The following PACSIN3 variants were observed in gnomAD, a reference collection of about 807,000 sequenced individuals.
PACSIN3 encodes the protein protein kinase C and casein kinase substrate in neurons 3.
A neutral mutation model predicts 56.1 loss-of-function variants in PACSIN3; 34 were observed. That is an observed-to-expected ratio of 0.61 (90% CI 0.46 to 0.81). The LOEUF (loss-of-function observed/expected upper bound fraction) is 0.81. Ranked by LOEUF, PACSIN3 falls within the 30% of genes least tolerant of loss-of-function variation. PACSIN3 has a pLI of 0.00. For synonymous variants in PACSIN3, 218 were observed against 229.8 expected, an observed-to-expected ratio of 0.95 and a Z score of 0.46; for missense variants, 535 against 592.4, an observed-to-expected ratio of 0.90 and a Z score of 1.01.
In PACSIN3 at chr11:47,179,283, T is replaced by C. The variant is rs1952966714; in HGVS notation, c.780-4A>G. ...GTCACGGTGGAGTTCATGGAACCTA[T>C]GACCCAAGGCACACCCCTCAGTCTA... On this transcript the variant is annotated splice_polypyrimidine_tract_variant and splice_region_variant and intron_variant, in intron 7 of 10. Transcript: ENST00000298838. This position sits in a 1 kb window ranked among gnomAD's most constrained non-coding sequence, Gnocchi z 4.4. 1.2e-6 allele frequency: 2 copies of C among 1,613,956 alleles called. No homozygotes were observed. Among genetic ancestry groups the C allele is most frequent in the Non-Finnish European group, 1.7e-6 (2 of 1,180,026 alleles).
intron 4 of PACSIN3, among the ~76,000 whole-genome samples, chr11:47,181,911 G>A (rs1468429085): frequency 6.6e-6 from 1 of 152,042 alleles, no homozygotes; most frequent in African/African-American, 2.4e-5. Flanking sequence ...CCAGCACTTG[G>A]GGAGGCTGAG....
Position 47,179,001 on chromosome 11 carries a change from G to A in PACSIN3, c.930C>T (p.Ile310=). ...EEWSLDTQRT[I]SRKEKGGRSP... The stretch of plus-strand genomic sequence containing the variant: ...TCCGGCCACCCTTCTCTTTCCGGCT[G>A]ATTGTCCTCTGTGTGTCCAAGGACC... The change falls in exon 9 of 11, where the codon ATC becomes ATT. Residue 310 remains isoleucine (I), a synonymous_variant. Coordinates refer to ENST00000298838, the MANE Select transcript of PACSIN3 (RefSeq NM_016223.5). The surrounding 1 kb of genome is among the most constrained non-coding windows in gnomAD (Gnocchi z 4.4). The A allele has an allele frequency of 6.2e-7, 1 of 1,614,114 alleles. No homozygotes were observed. The highest frequency in any genetic ancestry group is 8.5e-7 in the Non-Finnish European group (1 of 1,180,014).
chr11:47,182,327 C>A (rs1213638303), intron 4 of PACSIN3, 76 bp downstream of exon 4: 1 of 1,450,064 alleles, frequency 6.9e-7, no homozygotes, highest in Non-Finnish European at 9.3e-7. Flanking sequence ...AAACTTCCCA[C>A]GAGACGTGCA....
intron 3 of PACSIN3, 43 bp downstream of exon 3, chr11:47,182,631 C>T: frequency 6.2e-7 from 1 of 1,604,588 alleles, no homozygotes; most frequent in South Asian, 1.1e-5. Flanking sequence ...CAGATGGGCT[C>T]CTCCCCTAGA....
rs151075097 is a variant in PACSIN3 at position 47,178,970 on chromosome 11, C to G, written c.961G>C (p.Asp321His). 69 of 1,614,112 alleles carry G rather than the reference C, an allele frequency of 4.3e-5. No individual in the cohort carries two copies. Among genetic ancestry groups the G allele is most frequent in the Non-Finnish European group, 5.8e-5 (69 of 1,180,018 alleles). The change falls in exon 9 of 11, where the codon GAT becomes CAT. Residue 321 changes from aspartate (D) to histidine (H), a missense_variant. Physicochemically the swap from Asp to His is moderately conservative, Grantham distance 81. Coordinates refer to ENST00000298838, the MANE Select transcript of PACSIN3 (RefSeq NM_016223.5). This position sits in a 1 kb window ranked among gnomAD's most constrained non-coding sequence, Gnocchi z 4.2. Reference protein sequence around the residue: ...SRKEKGGRSPDEVTLTSIVPT... With the variant: ...SRKEKGGRSPHEVTLTSIVPT... ...ACAATGCTGGTCAGGGTAACCTCAT[C>G]AGGGCTCCGGCCACCCTTCTCTTTC...
intron 1 of PACSIN3, among the ~76,000 whole-genome samples, chr11:47,184,977 G>A (rs547043312): frequency 1.4e-3 from 219 of 152,298 alleles, no homozygotes; most frequent in African/African-American, 4.9e-3. Flanking sequence ...AGCCCCGGGT[G>A]CAGCCAGGCC....
Position 47,179,312 on chromosome 11 carries a change from A to T in PACSIN3, c.780-33T>A. The T allele has an allele frequency of 3.7e-6, 6 of 1,613,966 alleles. No homozygotes were observed. Among genetic ancestry groups the T allele is most frequent in the Non-Finnish European group, 5.1e-6 (6 of 1,179,998 alleles). On this transcript the variant is annotated intron_variant, in intron 7 of 10. Transcript: ENST00000298838. This position sits in a 1 kb window ranked among gnomAD's most constrained non-coding sequence, Gnocchi z 4.4. ...CCAAGGCACACCCCTCAGTCTAGGA[A>T]GTCTAGACCCTGCATCCCTCAGTCC...
rs1364894574 is a variant in PACSIN3, at chr11:47,180,584, G to A, written c.318C>T (p.Asp106=). The change falls in exon 5 of 11, where the codon GAC becomes GAT. Residue 106 remains aspartate (D), a synonymous_variant. Coordinates refer to ENST00000298838, the MANE Select transcript of PACSIN3 (RefSeq NM_016223.5). ...GCTGCCAGGCGCGCACCCGCTCACT[G>A]TCCTGCCCTTGCAGCTTCTCCCGCA... The part of the protein sequence containing the change: ...LEVREKLQGQ[D]SERVRAWQRG... The A allele has an allele frequency of 6.2e-7, 1 of 1,604,776 alleles. No individual in the cohort carries two copies. Among genetic ancestry groups the A allele is most frequent in the East Asian group, 2.2e-5 (1 of 44,878 alleles).
chr11:47,182,697 C>T lies in PACSIN3; in HGVS notation c.31G>A (p.Ala11Thr). MAPEEDAGGE[A>T]LGGSFWEAGN... ...ACCTCCCAGAAACTGCCCCCTAAGG[C>T]CTCCCCTCCAGCGTCCTCTTCTGGA... is the stretch of plus-strand genomic sequence containing the variant. Residue 11 changes from alanine to threonine, a missense_variant, in exon 3 of 11, where the codon GCC (alanine) becomes ACC (threonine). Physicochemically the swap from Ala to Thr is moderately conservative, Grantham distance 58 (BLOSUM62 0). Coordinates refer to ENST00000298838, the MANE Select transcript of PACSIN3 (RefSeq NM_016223.5). The T allele has an allele frequency of 4.3e-6, 7 of 1,612,850 alleles. No individual in the cohort carries two copies. Among genetic ancestry groups the T allele is most frequent in the Non-Finnish European group, 5.9e-6 (7 of 1,179,382 alleles).
In PACSIN3 at chr11:47,182,738, C is replaced by T; in HGVS notation, c.-11G>A. ...CTCTTCTGGAGCCATGGTGTCCCCGCAGCACGGAATGGTGGCGGATTTGGG... is the reference window on the plus strand; with the variant it reads ...CTCTTCTGGAGCCATGGTGTCCCCGTAGCACGGAATGGTGGCGGATTTGGG... On this transcript the variant is annotated 5_prime_UTR_variant, in exon 3 of 11. Coordinates refer to ENST00000298838, the MANE Select transcript of PACSIN3 (RefSeq NM_016223.5). 6.2e-7 allele frequency: 1 copy of T among 1,610,092 alleles called. No individual in the cohort carries two copies. Among genetic ancestry groups the T allele is most frequent in the Non-Finnish European group, 8.5e-7 (1 of 1,178,320 alleles).
At position 47,177,542 on chromosome 11, in the gene PACSIN3, G is replaced by A; in HGVS notation, c.*389C>T. On this transcript the variant is annotated 3_prime_UTR_variant, in exon 11 of 11. Coordinates refer to ENST00000298838, the MANE Select transcript of PACSIN3 (RefSeq NM_016223.5). ...GACAGTGGTGTTTTTGTTTTTGTGTGTGGGTGTGTGTCAAGTTTTAATACA... is the reference window on the plus strand; with the variant it reads ...GACAGTGGTGTTTTTGTTTTTGTGTATGGGTGTGTGTCAAGTTTTAATACA... 4.7e-6 allele frequency: 1 copy of A among 212,630 alleles called. No homozygotes were observed. The highest frequency in any genetic ancestry group is 9.3e-6 in the Non-Finnish European group (1 of 106,952). The allele number at this position is 212,630 out of a possible 1,614,324, so 13.2% of individuals were successfully genotyped here. A position where few individuals can be genotyped will look rare whatever the true frequency, so the allele number is the denominator to read the frequency against.
At position 47,178,440 on chromosome 11, in the gene PACSIN3, G is replaced by C; in HGVS notation, c.1085C>G (p.Ala362Gly). The C allele has an allele frequency of 6.2e-7, 1 of 1,613,916 alleles. No individual in the cohort carries two copies. The highest frequency in any genetic ancestry group is 1.1e-5 in the South Asian group (1 of 91,084). Residue 362 changes from alanine to glycine, a missense_variant, in exon 10 of 11, where the codon GCT becomes GGT. Transcript: ENST00000298838. The surrounding 1 kb of genome is among the most constrained non-coding windows in gnomAD (Gnocchi z 4.2). ...TGCCCTCACCCGAACCCCGGTGGCAGCCTTCCGGGGACTCTCTTCATCTGA... is the reference window on the plus strand; with the variant it reads ...TGCCCTCACCCGAACCCCGGTGGCACCCTTCCGGGGACTCTCTTCATCTGA... Reference protein sequence around the residue: ...EWSDEESPRKAATGVRVRALY... With the variant: ...EWSDEESPRKGATGVRVRALY...
In PACSIN3 at chr11:47,182,577, G is replaced by C. The variant is rs756503952; in HGVS notation, c.55-18C>G. On this transcript the variant is annotated intron_variant, in intron 3 of 10. Transcript: ENST00000298838. The stretch of plus-strand genomic sequence containing the variant: ...TTGCCAGCCTGGGCATACAGGAAAA[G>C]GGTGCCATCACCAGGGAGAAGCTTC... 27 of 1,606,588 alleles carry C rather than the reference G, an allele frequency of 1.7e-5. No individual in the cohort carries two copies. In the South Asian group the frequency reaches 2.6e-4, roughly 16 times the overall value.
chr11:47,178,021 C>T lies in PACSIN3; in HGVS notation c.1185G>A (p.Glu395=), dbSNP rs1455879694. ...RAGEELLKMS[E]EDEQGWCQGQ... ...CTTGGCACCAGCCCTGCTCGTCCTC[C>T]TCACTCATCTTCAGCAGCTCCTCCC... The change falls in exon 11 of 11, where the codon GAG becomes GAA. Residue 395 remains glutamate (E), a synonymous_variant. Coordinates refer to ENST00000298838, the MANE Select transcript of PACSIN3 (RefSeq NM_016223.5). This position sits in a 1 kb window ranked among gnomAD's most constrained non-coding sequence, Gnocchi z 4.2. 2.5e-6 allele frequency: 4 copies of T among 1,613,988 alleles called. No homozygotes were observed. Among genetic ancestry groups the T allele is most frequent in the East Asian group, 2.2e-5 (1 of 44,890 alleles).
Position 47,178,012 on chromosome 11 carries a change from C to A in PACSIN3, c.1194G>T (p.Glu398Asp), listed in dbSNP as rs376875354. ...EELLKMSEED[E>D]QGWCQGQLQS... ...GCAACTGGCCTTGGCACCAGCCCTG[C>A]TCGTCCTCCTCACTCATCTTCAGCA... The change falls in exon 11 of 11, where the codon GAG becomes GAT. Residue 398 changes from glutamate to aspartate, a missense_variant. By Grantham distance (45) the Glu-to-Asp change is conservative. Coordinates refer to ENST00000298838, the MANE Select transcript of PACSIN3 (RefSeq NM_016223.5). The surrounding 1 kb of genome is among the most constrained non-coding windows in gnomAD (Gnocchi z 4.2). 1 of 1,614,046 alleles carries A rather than the reference C, an allele frequency of 6.2e-7. No individual in the cohort carries two copies. The highest frequency in any genetic ancestry group is 8.5e-7 in the Non-Finnish European group (1 of 1,179,944).
In PACSIN3 at chr11:47,180,479, C is replaced by T; in HGVS notation, c.423G>A (p.Lys141=). Reference sequence around the variant, plus strand: ...CCTCCTTCAGCCTCTTCAGCCAGGGCTTCTGGGCCTTGCGGAAGCCGTCCT... The same window carrying T: ...CCTCCTTCAGCCTCTTCAGCCAGGGTTTCTGGGCCTTGCGGAAGCCGTCCT... ...AAEDGFRKAQ[K]PWLKRLKEVE... The change falls in exon 5 of 11, where the codon AAG becomes AAA. Residue 141 remains lysine (K), a synonymous_variant. Transcript: ENST00000298838. 6.2e-7 allele frequency: 1 copy of T among 1,603,392 alleles called. No homozygotes were observed. Among genetic ancestry groups the T allele is most frequent in the Non-Finnish European group, 8.5e-7 (1 of 1,178,166 alleles).
In PACSIN3 at chr11:47,178,946, C is replaced by T. The variant is rs749229524; in HGVS notation, c.985G>A (p.Val329Met). 1.9e-6 allele frequency: 3 copies of T among 1,614,090 alleles called. No homozygotes were observed. In the East Asian group the frequency reaches 6.7e-5, roughly 36 times the overall value. ...SPDEVTLTSI[V>M]PTRDGTAPPP... ...GGTGCGGTGCCATCTCTTGTAGGCA[C>T]AATGCTGGTCAGGGTAACCTCATCA... is the stretch of plus-strand genomic sequence containing the variant. Residue 329 changes from valine (V) to methionine (M), a missense_variant, in exon 9 of 11, where the codon GTG (valine) becomes ATG (methionine). Coordinates refer to ENST00000298838, the MANE Select transcript of PACSIN3 (RefSeq NM_016223.5). The surrounding 1 kb of genome is among the most constrained non-coding windows in gnomAD (Gnocchi z 4.2).
At position 47,182,840 on chromosome 11, in the gene PACSIN3, T is replaced by C. The variant is rs1487184437; in HGVS notation, c.-37-76A>G. On this transcript the variant is annotated intron_variant, in intron 2 of 10. Transcript: ENST00000298838. ...GATAGGAAAAGACCCTCTCTATACC[T>C]GGGCCTCGCCCCACTGCCATCCCCA... 1.1e-5 allele frequency: 13 copies of C among 1,146,620 alleles called. No homozygotes were observed. In the Admixed American group the frequency reaches 3.3e-4, roughly 29 times the overall value. The allele number at this position is 1,146,620 out of a possible 1,614,324, so 71.0% of individuals were successfully genotyped here.
At chr11:47,184,791 C>T (rs1269406531) in intron 1 of PACSIN3, among the ~76,000 whole-genome samples, 2 of 152,214 alleles carry the variant, frequency 1.3e-5, no homozygotes, top group Admixed American at 6.5e-5. Flanking sequence ...GGCTCTGGAG[C>T]CGCCCCAGTC....
Sources: allele counts gnomAD v4.1 joint callset (sites outside exome capture counted in the v4.1 genomes callset), GRCh38; gene constraint gnomAD v4.1.1; non-coding constraint Gnocchi (gnomAD v3.1); transcripts MANE v1.5; gene names NCBI Gene and HGNC (gene_info 2026-07-23, HGNC 2026-07-21).